MLLT1: variants seen among roughly 807,000 people sequenced by gnomAD.
MLLT1 encodes protein ENL.
In MLLT1, 11 loss-of-function variants were observed where a neutral mutation model predicts 55.1. That is an observed-to-expected ratio of 0.20 (90% confidence interval 0.13 to 0.33). MLLT1 has a LOEUF of 0.33. Among genes scored for constraint, MLLT1 ranks in the 10% least tolerant of loss-of-function variants. The pLI, the probability that MLLT1 is intolerant of heterozygous loss-of-function variation, is 1.00. For synonymous variants in MLLT1, 323 were observed against 320.1 expected (o/e 1.01, Z -0.10); for missense variants, 536 against 760.6 (o/e 0.70, Z 3.47).
intron 10 of MLLT1, 80 bp from the exon 11 acceptor site, chr19:6,213,488 C>T: frequency 8.0e-7 from 1 of 1,244,086 alleles, no homozygotes; most frequent in Non-Finnish European, 1.2e-6. Flanking sequence ...CACCCATGAC[C>T]CAGTCCATCC....
intron 1 of MLLT1, among the ~76,000 whole-genome samples, chr19:6,272,476 T>A (rs1457422690): frequency 6.6e-6 from 1 of 152,180 alleles, no homozygotes; most frequent in East Asian, 1.9e-4. Flanking sequence ...AAGTCCTGGC[T>A]CACACGCTGC....
chr19:6,218,381 C>G (rs1410489631), intron 6 of MLLT1, among the ~76,000 whole-genome samples: 4 of 152,244 alleles, frequency 2.6e-5, no homozygotes, highest in Non-Finnish European at 4.4e-5. Flanking sequence ...CTTGAAGTCC[C>G]ACAGGTGGGT....
At chr19:6,246,725 G>C (rs542300874) in intron 3 of MLLT1, among the ~76,000 whole-genome samples, 1 of 152,282 alleles carries the variant, frequency 6.6e-6, no homozygotes, top group African/African-American at 2.4e-5. Flanking sequence ...GTTGAACCCA[G>C]AGTAAACGTC....
rs1297347675 is a variant in MLLT1 at position 6,230,199 on chromosome 19, G to A, written c.420+371C>T. ...CGTCTGGCCTCCCGAAGTCAGAGGTGATGGCGATGCGCACGGCAGGGGCCC... is the reference window on the plus strand; with the variant it reads ...CGTCTGGCCTCCCGAAGTCAGAGGTAATGGCGATGCGCACGGCAGGGGCCC... On this transcript the variant is annotated intron_variant, in intron 4 of 11. Transcript: ENST00000252674. The surrounding 1 kb of genome is among the most constrained non-coding windows in gnomAD (Gnocchi z 9.0). 6.6e-6 allele frequency among the ~76,000 whole-genome samples: 1 copy of A among 152,216 alleles called. No homozygotes were observed. The highest frequency in any genetic ancestry group is 1.5e-5 in the Non-Finnish European group (1 of 68,020).
chr19:6,222,289 G>C lies in MLLT1; in HGVS notation c.942C>G (p.Thr314=), dbSNP rs1177796894. The change falls in exon 6 of 12, where the codon ACC becomes ACG. Residue 314 remains threonine (T), a synonymous_variant. Coordinates refer to ENST00000252674, the MANE Select transcript of MLLT1 (RefSeq NM_005934.4). This position sits in a 1 kb window ranked among gnomAD's most constrained non-coding sequence, Gnocchi z 4.1. ...SSKGSRSAPG[T]SPRTSSSSSF... ...AGGAGGAGGAGGAGGTGCGGGGCGA[G>C]GTGCCTGGAGCACTCCGGGACCCCT... The C allele has an allele frequency of 3.1e-6, 5 of 1,609,120 alleles. No individual in the cohort carries two copies. In the East Asian group the frequency reaches 6.7e-5, roughly 22 times the overall value.
intron 1 of MLLT1, among the ~76,000 whole-genome samples, chr19:6,275,952 A>G (rs1351231614): frequency 6.6e-6 from 1 of 152,010 alleles, no homozygotes; most frequent in African/African-American, 2.4e-5. Context: ...TCCAGGGGGG[A>G]GGGGGAGGAG....
chr19:6,230,822 C>A lies in MLLT1; in HGVS notation c.277-109G>T. ...CTCTCCCTCACTGGGCCTCTGTTCCCCTCCCTCCGATTTGCGCCCACTTCT... is the reference window on the plus strand; with the variant it reads ...CTCTCCCTCACTGGGCCTCTGTTCCACTCCCTCCGATTTGCGCCCACTTCT... On this transcript the variant is annotated intron_variant, in intron 3 of 11. Coordinates refer to ENST00000252674, the MANE Select transcript of MLLT1 (RefSeq NM_005934.4). This position sits in a 1 kb window ranked among gnomAD's most constrained non-coding sequence, Gnocchi z 9.0. The A allele has an allele frequency of 7.2e-7, 1 of 1,395,474 alleles. No homozygotes were observed. The highest frequency in any genetic ancestry group is 2.3e-5 in the East Asian group (1 of 43,426). The allele number at this position is 1,395,474 out of a possible 1,614,324, so 86.4% of individuals were successfully genotyped here. A position where few individuals can be genotyped will look rare whatever the true frequency, so the allele number is the denominator to read the frequency against.
In MLLT1 at chr19:6,235,644, C is replaced by T. The variant is rs1321407750; in HGVS notation, c.277-4931G>A. Among the ~76,000 whole-genome samples the T allele has an allele frequency of 1.3e-5, 2 of 152,118 alleles. No individual in the cohort carries two copies. Among genetic ancestry groups the T allele is most frequent in the Non-Finnish European group, 2.9e-5 (2 of 67,992 alleles). On this transcript the variant is annotated intron_variant, in intron 3 of 11. Transcript: ENST00000252674. This position sits in a 1 kb window ranked among gnomAD's most constrained non-coding sequence, Gnocchi z 5.5. The stretch of plus-strand genomic sequence containing the variant: ...ACCCTGGCTGCACAGCGAGTCCAGC[C>T]GCTTCTCCCAAGCTCCTCAGCCAGC...
At chr19:6,236,520 C>A (rs186656157) in intron 3 of MLLT1, among the ~76,000 whole-genome samples, 1 of 152,288 alleles carries the variant, frequency 6.6e-6, no homozygotes, top group Admixed American at 6.5e-5. Flanking sequence ...CAGAGAGGGG[C>A]AGCACCGAAA....
In MLLT1 at chr19:6,212,698, C is replaced by T. The variant is rs369227157; in HGVS notation, c.*344G>A. 1.4e-5 allele frequency: 16 copies of T among 1,135,222 alleles called. No individual in the cohort carries two copies. Among genetic ancestry groups the T allele is most frequent in the Admixed American group, 4.6e-5 (1 of 21,660 alleles). The allele number at this position is 1,135,222 out of a possible 1,614,324, so 70.3% of individuals were successfully genotyped here. On this transcript the variant is annotated 3_prime_UTR_variant, in exon 12 of 12. Transcript: ENST00000252674. ...CTCAGAAAGGCTGGGGCAGCGACGC[C>T]GCACAGCCCGCCGAGCAGTGGGGGC...
At chr19:6,275,270 G>A (rs2091422328) in intron 1 of MLLT1, among the ~76,000 whole-genome samples, 1 of 152,146 alleles carries the variant, frequency 6.6e-6, no homozygotes, top group African/African-American at 2.4e-5. Flanking sequence ...TCCCTCGGAG[G>A]CAACGATCCC....
At chr19:6,237,433 C>T (rs1273171288) in intron 3 of MLLT1, among the ~76,000 whole-genome samples, 1 of 152,066 alleles carries the variant, frequency 6.6e-6, no homozygotes. Context: ...CCCTCTGAGG[C>T]CCCAGGGTTC....
Position 6,256,846 on chromosome 19 carries a change from T to A in MLLT1, c.276+5382A>T, listed in dbSNP as rs2091261208. On this transcript the variant is annotated intron_variant, in intron 3 of 11. Transcript: ENST00000252674. This position sits in a 1 kb window ranked among gnomAD's most constrained non-coding sequence, Gnocchi z 4.1. ...GCATAAGCACAGACACGTAGACCAA[T>A]GAAATAGAATTCAGAGTCCAGTTTT... 6.6e-6 allele frequency among the ~76,000 whole-genome samples: 1 copy of A among 152,194 alleles called. No individual in the cohort carries two copies. Among genetic ancestry groups the A allele is most frequent in the African/African-American group, 2.4e-5 (1 of 41,448 alleles).
chr19:6,213,709 C>T lies in MLLT1; in HGVS notation c.1479+17G>A, dbSNP rs929433039. 1.6e-5 allele frequency: 14 copies of T among 872,456 alleles called. No homozygotes were observed. The highest frequency in any genetic ancestry group is 2.3e-4 in the Middle Eastern group (1 of 4,270). 54.0% of individuals were successfully genotyped at this position (872,456 alleles called of 1,614,324 possible). On this transcript the variant is annotated intron_variant, in intron 10 of 11. Coordinates refer to ENST00000252674, the MANE Select transcript of MLLT1 (RefSeq NM_005934.4). ...CCCCTCCGTAGCCTCCCCGCCTTGT[C>T]GTAGGTGCCCCCCCACCTTGTCGTA...
At position 6,240,397 on chromosome 19, in the gene MLLT1, G is replaced by A. The variant is rs1358775955; in HGVS notation, c.277-9684C>T. 6.6e-6 allele frequency among the ~76,000 whole-genome samples: 1 copy of A among 152,246 alleles called. No individual in the cohort carries two copies. The highest frequency in any genetic ancestry group is 1.5e-5 in the Non-Finnish European group (1 of 68,038). On this transcript the variant is annotated intron_variant, in intron 3 of 11. Transcript: ENST00000252674. This position sits in a 1 kb window ranked among gnomAD's most constrained non-coding sequence, Gnocchi z 4.7. ...TGGAGCACGCTGCCGCCACTGGAAG[G>A]AGCTCGACAGACACAGCAGGTGACG...
chr19:6,272,501 T>C (rs1438257290), intron 1 of MLLT1, among the ~76,000 whole-genome samples: 1 of 152,124 alleles, frequency 6.6e-6, no homozygotes, highest in African/African-American at 2.4e-5. Flanking sequence ...TCCAGGGCCC[T>C]TTCTGGTAGC....
At chr19:6,225,119 C>T (rs2144865930) in intron 5 of MLLT1, among the ~76,000 whole-genome samples, 1 of 152,360 alleles carries the variant, frequency 6.6e-6, no homozygotes, top group Middle Eastern at 3.4e-3. Context: ...ACCTGGCTCC[C>T]TGCAGCTGCT....
intron 3 of MLLT1, among the ~76,000 whole-genome samples, chr19:6,243,297 C>T (rs2091133547): frequency 6.6e-6 from 1 of 152,158 alleles, no homozygotes; most frequent in Non-Finnish European, 1.5e-5. Flanking sequence ...CTGCCCAGGA[C>T]CAGGGCATCA....
In MLLT1 at chr19:6,279,808, G is replaced by A. The variant is rs1429506241; in HGVS notation, c.-24C>T. On this transcript the variant is annotated 5_prime_UTR_variant, in exon 1 of 12. Transcript: ENST00000252674. ...ATGGCTGGCGCCCCGCCCCGCCCCC[G>A]GGCCCCGCGTCGCTCGCCGCCGCCG... 1.3e-5 allele frequency: 2 copies of A among 149,452 alleles called. No homozygotes were observed. The highest frequency in any genetic ancestry group is 2.0e-4 in the East Asian group (1 of 5,014). The allele number at this position is 149,452 out of a possible 1,614,324, so 9.3% of individuals were successfully genotyped here.
Sources: gnomAD v4.1 joint callset for allele counts (sites outside exome capture counted in the v4.1 genomes callset) on GRCh38, gnomAD v4.1.1 for gene constraint, Gnocchi (gnomAD v3.1) non-coding constraint, MANE v1.5 for transcripts, NCBI Gene and HGNC (gene_info 2026-07-23, HGNC 2026-07-21) for gene names.